Variants in TUSC3 observed in about 807,000 individuals in gnomAD.
TUSC3 encodes the protein tumor suppressor candidate 3.
In TUSC3, 45 loss-of-function variants were observed where a neutral mutation model predicts 44.8. That is an observed-to-expected ratio of 1.00 (90% CI 0.79 to 1.29). The LOEUF is 1.29. Among genes scored for constraint, TUSC3 ranks in the 50% most tolerant of loss-of-function variants. The pLI, the probability that TUSC3 is intolerant of heterozygous loss-of-function variation, is 0.00. For synonymous variants in TUSC3, 212 were observed against 152.9 expected, an observed-to-expected ratio of 1.39 and a Z score of -2.85; for missense variants, 519 against 437.9, an observed-to-expected ratio of 1.19 and a Z score of -1.65.
chr8:15,541,092 A>G (rs999149601), intron 1 of TUSC3, among the ~76,000 whole-genome samples: 1 of 152,198 alleles, frequency 6.6e-6, no homozygotes, highest in African/African-American at 2.4e-5. Flanking sequence ...ATTTTGTGCA[A>G]GTACAACAGA....
chr8:15,483,649 A>ATATGTGTTTGT (rs1800694380), intron 2 of TUSC3, among the ~76,000 whole-genome samples: 1 of 66,166 alleles, frequency 1.5e-5, no homozygotes, highest in African/African-American at 5.5e-5. Flanking sequence ...TAGCACTGTG[A>ATATGTGTTTGT]TTTTTTTTTT....
the TUSC3 span, among the ~76,000 whole-genome samples, chr8:15,782,113 C>T: frequency 3.4e-4 from 51 of 152,162 alleles, no homozygotes; most frequent in Non-Finnish European, 3.5e-4. Context: ...CCAGCCTGGG[C>T]GACAGAGCAA....
rs968953795 is a variant in TUSC3 at position 15,729,869 on chromosome 8, GAAAA to G, written c.799-790_799-787del. 2.8e-5 allele frequency among the ~76,000 whole-genome samples: 4 copies of G among 145,310 alleles called. No homozygotes were observed. In the East Asian group the frequency reaches 7.9e-4, roughly 29 times the overall value. The stretch of plus-strand genomic sequence containing the variant: ...ACCCCCTGAAAAAGTTTGAAGACGA[GAAAA>G]AAAAAAGATACCTTCAGAAAACTAT... On this transcript the variant is annotated intron_variant, in intron 6 of 10. Transcript: ENST00000503731.
downstream of TUSC3, among the ~76,000 whole-genome samples, chr8:15,770,543 A>C (rs528880939): frequency 1.3e-5 from 2 of 152,324 alleles, no homozygotes; most frequent in South Asian, 4.1e-4. Flanking sequence ...CCCAGAACTT[A>C]AAGTATAATT....
intron 2 of TUSC3, among the ~76,000 whole-genome samples, chr8:15,633,004 A>G (rs1805885283): frequency 6.6e-6 from 1 of 152,216 alleles, no homozygotes; most frequent in Non-Finnish European, 1.5e-5. Context: ...TTAGAAAGCA[A>G]AAACTTAGCT....
chr8:15,821,397 T>C, the TUSC3 span, among the ~76,000 whole-genome samples: 9 of 150,530 alleles, frequency 6.0e-5, no homozygotes, highest in Admixed American at 4.0e-4. Context: ...TAGTCCTGTT[T>C]GTGGTTTGCT....
intron 1 of TUSC3, among the ~76,000 whole-genome samples, chr8:15,583,450 T>C (rs1466705582): frequency 6.6e-6 from 1 of 152,196 alleles, no homozygotes; most frequent in East Asian, 1.9e-4. Flanking sequence ...TTGCCAAGTT[T>C]AGCTTGGAAA....
chr8:15,631,818 G>C (rs1247692857), intron 2 of TUSC3, among the ~76,000 whole-genome samples: 2 of 151,906 alleles, frequency 1.3e-5, no homozygotes, highest in Non-Finnish European at 2.9e-5. Context: ...CGATTCTCCT[G>C]CCTCAGCCTC....
chr8:15,785,904 C>T, the TUSC3 span, among the ~76,000 whole-genome samples: 1 of 151,350 alleles, frequency 6.6e-6, no homozygotes, highest in Non-Finnish European at 1.5e-5. Flanking sequence ...GGTCCAATTG[C>T]TTGTTTGAAA....
At chr8:15,846,877 GA>G in the TUSC3 span, among the ~76,000 whole-genome samples, 22,204 of 135,264 alleles carry the variant, frequency 0.16, 1,988 homozygotes, top group Non-Finnish European at 0.22. Context: ...ATGATAATTT[GA>G]AAAAAAAAAA....
At chr8:15,594,536 G>C (rs947002357) in intron 1 of TUSC3, among the ~76,000 whole-genome samples, 10 of 152,174 alleles carry the variant, frequency 6.6e-5, no homozygotes, top group African/African-American at 2.2e-4. Flanking sequence ...TGTGATGCAA[G>C]CAAGTATTTT....
intron 2 of TUSC3, among the ~76,000 whole-genome samples, chr8:15,517,818 ATG>A (rs1197668664): frequency 2.6e-5 from 4 of 152,012 alleles, no homozygotes; most frequent in African/African-American, 9.7e-5. Flanking sequence ...AATAATGCAT[ATG>A]TGTTTTTAAA....
At chr8:15,475,631 A>C (rs1800564697) in intron 1 of TUSC3, among the ~76,000 whole-genome samples, 1 of 152,180 alleles carries the variant, frequency 6.6e-6, no homozygotes, top group Non-Finnish European at 1.5e-5. Flanking sequence ...GCTCTAGAAT[A>C]GTTTGGGATA....
chr8:15,710,722 A>C (rs1346458330), intron 6 of TUSC3, among the ~76,000 whole-genome samples: 1 of 151,494 alleles, frequency 6.6e-6, no homozygotes, highest in African/African-American at 2.4e-5. Flanking sequence ...CTACAGAAAC[A>C]TATATAGGCA....
At chr8:15,753,458 A>G (rs1032410178) in intron 9 of TUSC3, among the ~76,000 whole-genome samples, 4 of 152,094 alleles carry the variant, frequency 2.6e-5, no homozygotes, top group African/African-American at 9.7e-5. Context: ...TGTTCCCTTC[A>G]TGACATTTAC....
chr8:15,454,163 C>T (rs994630467), intron 1 of TUSC3, among the ~76,000 whole-genome samples: 5 of 152,240 alleles, frequency 3.3e-5, no homozygotes, highest in Admixed American at 2.0e-4. Flanking sequence ...CACAAGACCC[C>T]GGAAGCATGA....
the TUSC3 span, among the ~76,000 whole-genome samples, chr8:15,779,710 A>G: frequency 6.6e-6 from 1 of 152,202 alleles, no homozygotes; most frequent in East Asian, 1.9e-4. Flanking sequence ...GTGTTTTTAA[A>G]AAGATCAGCT....
chr8:15,469,576 G>T (rs1563259396), intron 1 of TUSC3, among the ~76,000 whole-genome samples: 1 of 152,150 alleles, frequency 6.6e-6, no homozygotes. Flanking sequence ...GTAATTTGGA[G>T]AACTGTTTGG....
chr8:15,613,401 A>C (rs1171333011), intron 1 of TUSC3, among the ~76,000 whole-genome samples: 1 of 152,184 alleles, frequency 6.6e-6, no homozygotes, highest in Non-Finnish European at 1.5e-5. Context: ...AAGAAAAGGA[A>C]AAGAAATTTG....
Sources: gnomAD v4.1 joint callset for allele counts (sites outside exome capture counted in the v4.1 genomes callset) on GRCh38, gnomAD v4.1.1 for gene constraint, MANE v1.5 for transcripts, NCBI Gene and HGNC (gene_info 2026-07-23, HGNC 2026-07-21) for gene names.